Variants in CLNK observed in about 807,000 individuals in gnomAD.
CLNK encodes the protein cytokine-dependent hematopoietic cell linker.
CLNK carries 74 observed loss-of-function variants against 68.6 expected under a neutral mutation model. That is an observed-to-expected ratio of 1.08 (90% CI 0.89 to 1.31). The LOEUF (loss-of-function observed/expected upper bound fraction) is 1.31. Ranked by LOEUF, CLNK falls within the 50% of genes most tolerant of loss-of-function variation. CLNK has a pLI of 0.00. For missense variants in CLNK, 553 were observed against 515.3 expected (o/e 1.07, Z -0.71); for synonymous variants, 198 against 172.2 (o/e 1.15, Z -1.17).
At chr4:10,558,091 G>A (rs929493739) in intron 8 of CLNK, among the ~76,000 whole-genome samples, 1 of 152,130 alleles carries the variant, frequency 6.6e-6, no homozygotes, top group Non-Finnish European at 1.5e-5. Flanking sequence ...TGGCTTTTCT[G>A]GGGGTATGCT....
At chr4:10,730,183 C>G in the CLNK span, among the ~76,000 whole-genome samples, 29 of 152,298 alleles carry the variant, frequency 1.9e-4, no homozygotes, top group African/African-American at 7.0e-4. Flanking sequence ...TGCATAGCCA[C>G]CATCTGCGGC....
At chr4:10,536,273 G>A (rs911197602) in intron 11 of CLNK, among the ~76,000 whole-genome samples, 11 of 152,162 alleles carry the variant, frequency 7.2e-5, no homozygotes, top group Non-Finnish European at 1.0e-4. Context: ...TGGCAGAGAC[G>A]GAGCAGGCAC....
At chr4:10,636,043 A>G (rs4407493) in intron 2 of CLNK, 48,823 of 152,128 alleles carry the variant, frequency 0.32, 8,918 homozygotes, top group African/African-American at 0.5. Flanking sequence ...TATGATTAAT[A>G]AGGACAAGAG....
intron 16 of CLNK, 48 bp from the exon 17 acceptor site, chr4:10,508,084 T>C (rs1169802175): frequency 3.6e-6 from 5 of 1,391,910 alleles, no homozygotes; most frequent in South Asian, 1.3e-5. Flanking sequence ...ATGGGAAGTA[T>C]GAATTATTGA....
intron 8 of CLNK, among the ~76,000 whole-genome samples, chr4:10,544,376 G>A (rs1181098134): frequency 6.6e-6 from 1 of 152,190 alleles, no homozygotes; most frequent in Non-Finnish European, 1.5e-5. Flanking sequence ...TGATGTAGGT[G>A]TTGGGGGGTA....
At position 10,578,855 on chromosome 4, in the gene CLNK, C is replaced by T. The variant is rs115109565; in HGVS notation, c.112+6072G>A. 1.2e-3 allele frequency among the ~76,000 whole-genome samples: 180 copies of T among 152,190 alleles called. 2 individuals carry two copies. Among genetic ancestry groups the T allele is most frequent in the South Asian group, 0.01 (49 of 4,826 alleles). ...CCAAACTGCTGGCATTACAGGTGTG[C>T]GCCACCATGCCCAGCCAGTTTACCT... On this transcript the variant is annotated intron_variant, in intron 4 of 18. Transcript: ENST00000226951.
At chr4:10,494,362 T>G (rs150563729) in intron 18 of CLNK, among the ~76,000 whole-genome samples, 215 of 152,354 alleles carry the variant, frequency 1.4e-3, no homozygotes, top group Admixed American at 3.7e-3. Context: ...ATTAATTGTT[T>G]TAATAATCTG....
chr4:10,565,658 AC>A (rs2108823361), intron 6 of CLNK, among the ~76,000 whole-genome samples: 1 of 151,560 alleles, frequency 6.6e-6, no homozygotes, highest in East Asian at 1.9e-4. Context: ...CTGCTTGTCC[AC>A]CCTCCGTTAT....
chr4:10,524,492 GT>G (rs1372152799), intron 14 of CLNK, among the ~76,000 whole-genome samples: 1 of 152,188 alleles, frequency 6.6e-6, no homozygotes, highest in East Asian at 1.9e-4. Flanking sequence ...CCACTATTCT[GT>G]TCCACCACAA....
At chr4:10,500,964 T>C (rs923690339) in intron 18 of CLNK, among the ~76,000 whole-genome samples, 1 of 152,176 alleles carries the variant, frequency 6.6e-6, no homozygotes, top group Admixed American at 6.5e-5. Flanking sequence ...TTGGCATTAG[T>C]GTATGCTCCG....
chr4:10,564,110 T>TTC (rs1354101743), intron 7 of CLNK, among the ~76,000 whole-genome samples: 11 of 151,814 alleles, frequency 7.2e-5, no homozygotes, highest in Middle Eastern at 6.8e-3. Context: ...TTTTCTTTTT[T>TTC]TTTTTTTTTG....
chr4:10,714,683 GGT>G, the CLNK span, among the ~76,000 whole-genome samples: 5,108 of 148,512 alleles, frequency 0.034, 257 homozygotes, highest in African/African-American at 0.11. Flanking sequence ...CATTCATTGT[GGT>G]GTGTGTGTGT....
chr4:10,541,879 GTT>G (rs11343328), intron 10 of CLNK, 141 bp downstream of exon 10: 54 of 553,794 alleles, frequency 9.8e-5, no homozygotes, highest in South Asian at 1.9e-4. Flanking sequence ...TCTCATATTA[GTT>G]TTTTTTTTTT....
the CLNK span, among the ~76,000 whole-genome samples, chr4:10,730,123 G>A: frequency 4.6e-5 from 7 of 152,134 alleles, no homozygotes; most frequent in African/African-American, 7.2e-5. Flanking sequence ...CCCTAGTCAC[G>A]CCACTGCATC....
chr4:10,694,990 C>T, the CLNK span, among the ~76,000 whole-genome samples: 14 of 152,074 alleles, frequency 9.2e-5, no homozygotes, highest in Non-Finnish European at 1.8e-4. Flanking sequence ...AATGAACTCA[C>T]GGAAGTAGAG....
chr4:10,598,696 G>A (rs1407252921), intron 2 of CLNK: 1 of 442,736 alleles, frequency 2.3e-6, no homozygotes, highest in Non-Finnish European at 4.5e-6. Flanking sequence ...TACATTCACT[G>A]TCATAAAGCA....
intron 4 of CLNK, among the ~76,000 whole-genome samples, chr4:10,573,912 C>A (rs1720449121): frequency 6.6e-6 from 1 of 152,144 alleles, no homozygotes; most frequent in East Asian, 1.9e-4. Flanking sequence ...CCTTTCAGAT[C>A]CCATTTCTCT....
intron 4 of CLNK, among the ~76,000 whole-genome samples, chr4:10,572,877 G>A (rs930603793): frequency 6.6e-6 from 1 of 152,104 alleles, no homozygotes; most frequent in African/African-American, 2.4e-5. Flanking sequence ...CACCCAGGCT[G>A]GAGTGCAGTG....
chr4:10,625,131 A>AT (rs1722616529), intron 2 of CLNK, among the ~76,000 whole-genome samples: 1 of 152,204 alleles, frequency 6.6e-6, no homozygotes, highest in African/African-American at 2.4e-5. Context: ...GATGCCTTTG[A>AT]TAGGAAGATC....
Sources: gnomAD v4.1 joint callset for allele counts (sites outside exome capture counted in the v4.1 genomes callset) on GRCh38, gnomAD v4.1.1 for gene constraint, MANE v1.5 for transcripts, NCBI Gene and HGNC (gene_info 2026-07-23, HGNC 2026-07-21) for gene names.